HUWE1: variants seen among roughly 807,000 people sequenced by gnomAD.
The protein encoded by HUWE1 is E3 ubiquitin-protein ligase HUWE1.
Under a neutral mutation model 299.4 loss-of-function variants are expected in HUWE1, and 18 were observed. That is an observed-to-expected ratio of 0.06 (90% CI 0.04 to 0.09). The LOEUF (loss-of-function observed/expected upper bound fraction) is 0.09. Ranked by LOEUF, HUWE1 falls within the 10% of genes least tolerant of loss-of-function variation. HUWE1 has a pLI of 1.00. For synonymous variants in HUWE1, 1,317 were observed against 1,286.1 expected, an observed-to-expected ratio of 1.02 and a Z score of -0.51; for missense variants, 1,832 against 3,462.3, an observed-to-expected ratio of 0.53 and a Z score of 11.82.
chrX:53,600,020 A>G, intron 29 of HUWE1, 98 bp downstream of exon 29: 1 of 807,929 alleles, frequency 1.2e-6, no homozygotes, highest in African/African-American at 2.0e-5. Context: ...GAAGTTTTAA[A>G]CTTCCTTAGG....
At chrX:53,612,331 G>A (rs904034642) in intron 23 of HUWE1, among the ~76,000 whole-genome samples, 1 of 111,809 alleles carries the variant, frequency 8.9e-6, no homozygotes, top group African/African-American at 3.3e-5. Flanking sequence ...TGATACTGGG[G>A]TACAGTAACT....
In HUWE1 at chrX:53,660,547, GA is replaced by G. The variant is rs1318996616; in HGVS notation, c.-24-6417del. Among the ~76,000 whole-genome samples the G allele has an allele frequency of 8.9e-5, 10 of 112,138 alleles. No individual in the cohort carries two copies. The East Asian group carries it at 2.8e-3, about 31-fold the overall frequency. ...TTTCTAAAACTGGTTTCAACAGTGG[GA>G]GGGGGGAACGTTAGTATACTGAGTG... On this transcript the variant is annotated intron_variant, in intron 3 of 83. Transcript: ENST00000262854.
intron 3 of HUWE1, among the ~76,000 whole-genome samples, chrX:53,657,381 C>T (rs782083818): frequency 3.0e-3 from 334 of 111,822 alleles, no homozygotes; most frequent in South Asian, 7.5e-3. Flanking sequence ...CAAGACCAGC[C>T]TGGCCAACAT....
At chrX:53,629,421 A>G in intron 13 of HUWE1, 95 bp downstream of exon 13, 1 of 569,771 alleles carries the variant, frequency 1.8e-6, no homozygotes, top group Non-Finnish European at 3.1e-6. Context: ...ATGTATATGC[A>G]AATATCCCCT....
intron 3 of HUWE1, among the ~76,000 whole-genome samples, chrX:53,662,914 C>A (rs782714324): frequency 3.6e-5 from 4 of 111,141 alleles, no homozygotes; most frequent in Non-Finnish European, 7.5e-5. Flanking sequence ...ATGGTGAAAC[C>A]CCATCTCTAC....
intron 78 of HUWE1, 60 bp from the exon 79 acceptor site, chrX:53,536,727 A>G (rs782461124): frequency 2.0e-6 from 2 of 1,016,578 alleles, no homozygotes; most frequent in East Asian, 3.1e-5. Flanking sequence ...ACATCCAGTC[A>G]TTTGTGTGAG....
chrX:53,583,385 A>G (rs2063719322), intron 42 of HUWE1, among the ~76,000 whole-genome samples, 173 bp downstream of exon 42: 1 of 111,167 alleles, frequency 9.0e-6, no homozygotes, highest in Non-Finnish European at 1.9e-5. Context: ...TCATCCTACC[A>G]TACCTAAGCA....
At position 53,554,997 on chromosome X, in the gene HUWE1, G is replaced by A. The variant is rs1556933106; in HGVS notation, c.8207-77C>T. 4 of 806,211 alleles carry A rather than the reference G, an allele frequency of 5.0e-6. No individual in the cohort carries two copies. The African/African-American group carries it at 6.2e-5, about 13-fold the overall frequency. The allele number at this position is 806,211 out of a possible 1,213,427, so 66.4% of individuals were successfully genotyped here. On this transcript the variant is annotated intron_variant, in intron 60 of 83. Coordinates refer to ENST00000262854, the MANE Select transcript of HUWE1 (RefSeq NM_031407.7). ...AGGGGAGCCACCCCAATCAGCAAAT[G>A]TGGCCTGATAAGTATCCCACCCAGC...
In HUWE1 at chrX:53,573,039, A is replaced by G. The variant is rs782533188; in HGVS notation, c.6312+711T>C. Among the ~76,000 whole-genome samples, 3 of 111,137 alleles carry G rather than the reference A, an allele frequency of 2.7e-5. No homozygotes were observed. In the South Asian group the frequency reaches 1.2e-3, roughly 43 times the overall value. ...CCAATTCTTGTCCATTTGTACCTTA[A>G]AAATATTTCTTCAACTCACCCATTT... On this transcript the variant is annotated intron_variant, in intron 47 of 83. Coordinates refer to ENST00000262854, the MANE Select transcript of HUWE1 (RefSeq NM_031407.7).
intron 8 of HUWE1, 68 bp from the exon 9 acceptor site, chrX:53,632,632 T>C: frequency 8.4e-6 from 7 of 829,895 alleles, no homozygotes; most frequent in Non-Finnish European, 7.3e-6. Flanking sequence ...ATCCCCCACA[T>C]CTTCCCTCAA....
chrX:53,565,320 C>A (rs2062471442), intron 49 of HUWE1, 81 bp from the exon 50 acceptor site: 2 of 864,797 alleles, frequency 2.3e-6, no homozygotes, highest in South Asian at 2.3e-5. Context: ...AAGCTTCTTA[C>A]AATGGAATCT....
chrX:53,680,557 A>C (rs2070077754), intron 2 of HUWE1: 1 of 112,896 alleles, frequency 8.9e-6, no homozygotes. Flanking sequence ...ATTATTCTTC[A>C]CCTTCATACA....
chrX:53,649,644 T>C (rs5978179), intron 4 of HUWE1, among the ~76,000 whole-genome samples: 5,685 of 111,712 alleles, frequency 0.051, 300 homozygotes, highest in African/African-American at 0.16. Flanking sequence ...TCCTCTAAGA[T>C]GTAAGTTGAG....
intron 47 of HUWE1, among the ~76,000 whole-genome samples, chrX:53,571,190 C>G (rs2062810019): frequency 8.9e-6 from 1 of 111,948 alleles, no homozygotes; most frequent in Admixed American, 9.5e-5. Flanking sequence ...CTTACCAGTA[C>G]CCAGTACTGG....
chrX:53,629,729 C>A, intron 12 of HUWE1, 113 bp from the exon 13 acceptor site: 1 of 484,430 alleles, frequency 2.1e-6, no homozygotes, highest in Admixed American at 3.1e-5. Flanking sequence ...TCCCAACCAG[C>A]AATGGAGGGC....
chrX:53,669,750 A>C (rs191173498), intron 3 of HUWE1, among the ~76,000 whole-genome samples: 1 of 112,387 alleles, frequency 8.9e-6, no homozygotes, highest in Admixed American at 9.4e-5. Flanking sequence ...GCCAGGAAGA[A>C]AAACAGGAGC....
At chrX:53,544,458 G>A in intron 72 of HUWE1, 102 bp downstream of exon 72, 1 of 629,549 alleles carries the variant, frequency 1.6e-6, no homozygotes, top group Non-Finnish European at 2.6e-6. Context: ...CTTTTGGAAA[G>A]GTCAAACAGG....
chrX:53,569,881 T>C, intron 47 of HUWE1, 54 bp from the exon 48 acceptor site: 1 of 1,013,455 alleles, frequency 9.9e-7, no homozygotes, highest in South Asian at 2.0e-5. Context: ...TGCCATATCA[T>C]TTGCACAGGA....
chrX:53,534,474 G>A, intron 82 of HUWE1, 42 bp downstream of exon 82: 1 of 1,135,974 alleles, frequency 8.8e-7, no homozygotes, highest in Non-Finnish European at 1.2e-6. Context: ...CGTTGCCTAG[G>A]GTAAGAGGAC....
Sources: gnomAD v4.1 joint callset for allele counts (sites outside exome capture counted in the v4.1 genomes callset) on GRCh38, gnomAD v4.1.1 for gene constraint, MANE v1.5 for transcripts, NCBI Gene and HGNC (gene_info 2026-07-23, HGNC 2026-07-21) for gene names.